FNBP1: variants seen among roughly 807,000 people sequenced by gnomAD.
The protein encoded by FNBP1 is formin binding protein 1, also known as formin-binding protein 1.
In FNBP1, 26 loss-of-function variants were observed where a neutral mutation model predicts 90.6. The ratio of observed to expected loss-of-function variants is 0.29; its 90% CI spans 0.21 to 0.40. The LOEUF (loss-of-function observed/expected upper bound fraction) is 0.40. Ranked by LOEUF, FNBP1 falls within the 10% of genes least tolerant of loss-of-function variation. The probability of loss-of-function intolerance (pLI) is 1.00; values close to 1 mark genes in which losing one functional copy is unlikely to be tolerated. For missense variants in FNBP1, 635 were observed against 768.0 expected, an observed-to-expected ratio of 0.83 and a Z score of 2.05; for synonymous variants, 260 against 265.2, an observed-to-expected ratio of 0.98 and a Z score of 0.19.
chr9:130,007,696 A>T (rs551771293), intron 1 of FNBP1, among the ~76,000 whole-genome samples: 1 of 152,268 alleles, frequency 6.6e-6, no homozygotes, highest in South Asian at 2.1e-4. Context: ...TGCCCCAAAG[A>T]TGCGGAGTGA....
At chr9:129,975,640 G>T (rs1417477085) in intron 4 of FNBP1, among the ~76,000 whole-genome samples, 1 of 152,046 alleles carries the variant, frequency 6.6e-6, no homozygotes, top group Non-Finnish European at 1.5e-5. Flanking sequence ...GGTGGCTCAC[G>T]CTTGTAATCC....
chr9:130,030,331 A>T (rs2132126618), intron 1 of FNBP1, among the ~76,000 whole-genome samples: 1 of 151,646 alleles, frequency 6.6e-6, no homozygotes, highest in South Asian at 2.1e-4. Flanking sequence ...GCTACTCAGG[A>T]GGCTGAGGCA....
chr9:129,925,588 G>GTTTTTTT (rs2041766553), intron 8 of FNBP1, among the ~76,000 whole-genome samples: 1 of 101,438 alleles, frequency 9.9e-6, no homozygotes, highest in African/African-American at 3.9e-5. Context: ...TTTCCTAGTA[G>GTTTTTTT]CTTTTTTTTT....
At chr9:129,932,867 C>T (rs1042864230) in intron 6 of FNBP1, among the ~76,000 whole-genome samples, 1 of 152,146 alleles carries the variant, frequency 6.6e-6, no homozygotes, top group Non-Finnish European at 1.5e-5. Context: ...AGCTTTCCCA[C>T]CTACATGCAT....
intron 8 of FNBP1, among the ~76,000 whole-genome samples, chr9:129,925,865 A>G (rs994498777): frequency 3.9e-5 from 6 of 151,928 alleles, no homozygotes; most frequent in Non-Finnish European, 8.8e-5. Flanking sequence ...AAGTGCTGGC[A>G]TTACAGGCTT....
intron 2 of FNBP1, among the ~76,000 whole-genome samples, chr9:129,982,739 G>A (rs1475582388): frequency 6.6e-6 from 1 of 152,108 alleles, no homozygotes; most frequent in African/African-American, 2.4e-5. Flanking sequence ...ATGGCTCACT[G>A]CAAGCCTCGA....
At chr9:130,013,678 AT>A (rs1294233845) in intron 1 of FNBP1, 6 of 455,684 alleles carry the variant, frequency 1.3e-5, no homozygotes, top group Admixed American at 9.5e-5. Context: ...GCTAAAAAAA[AT>A]ATTGGCAACA....
At chr9:130,009,705 G>A (rs764428406) in intron 1 of FNBP1, among the ~76,000 whole-genome samples, 2 of 152,188 alleles carry the variant, frequency 1.3e-5, no homozygotes. Context: ...GGGAGGCTGA[G>A]GCAGGATAAT....
rs2133128565 is a variant in FNBP1, at chr9:129,966,820, G to A, written c.346-8267C>T. On this transcript the variant is annotated intron_variant, in intron 4 of 16. Transcript: ENST00000446176. The surrounding 1 kb of genome is among the most constrained non-coding windows in gnomAD (Gnocchi z 4.3). ...TTATTTCAATGTCAAGCTGGCTGCTGCAGGGGGAGGCTGTTACACTTGCAC... is the reference window on the plus strand; with the variant it reads ...TTATTTCAATGTCAAGCTGGCTGCTACAGGGGGAGGCTGTTACACTTGCAC... Among the ~76,000 whole-genome samples the A allele has an allele frequency of 6.6e-6, 1 of 152,346 alleles. No homozygotes were observed. Among genetic ancestry groups the A allele is most frequent in the Admixed American group, 6.5e-5 (1 of 15,300 alleles).
chr9:129,955,294 C>T (rs1199454826), intron 6 of FNBP1, among the ~76,000 whole-genome samples: 1 of 151,760 alleles, frequency 6.6e-6, no homozygotes, highest in African/African-American at 2.4e-5. Context: ...AGTGCAGCAG[C>T]AGGATTGTGG....
intron 1 of FNBP1, among the ~76,000 whole-genome samples, chr9:130,033,116 A>G (rs1321401855): frequency 2.0e-5 from 3 of 152,144 alleles, no homozygotes; most frequent in African/African-American, 7.2e-5. Flanking sequence ...AACCTTCCCC[A>G]TGATTATAAT....
chr9:130,032,947 T>C (rs1284470524), intron 1 of FNBP1, among the ~76,000 whole-genome samples: 1 of 152,184 alleles, frequency 6.6e-6, no homozygotes, highest in African/African-American at 2.4e-5. Flanking sequence ...AAGCAACGAT[T>C]TCCAGGCATT....
intron 4 of FNBP1, among the ~76,000 whole-genome samples, chr9:129,958,984 T>TAAAAAAAAAAAAAAAAAAAAAAAA (rs1334219802): frequency 2.1e-3 from 1 of 468 alleles, no homozygotes; most frequent in Non-Finnish European, 4.8e-3. Context: ...AAACTCTGCC[T>TAAAAAAAAAAAAAAAAAAAAAAAA]CAAAAAAAAA....
chr9:129,942,704 A>T (rs1259630623), intron 6 of FNBP1, among the ~76,000 whole-genome samples: 1 of 152,206 alleles, frequency 6.6e-6, no homozygotes, highest in Non-Finnish European at 1.5e-5. Context: ...CTATTTATCT[A>T]TAAAGGGATA....
In FNBP1 at chr9:129,922,898, T is replaced by A. The variant is rs189035776; in HGVS notation, c.1170+946A>T. ...TTTATGTTTTTATTATTTATTATTT[T>A]TTTTTAGAGATGGGGTTTGACTATG... On this transcript the variant is annotated intron_variant, in intron 10 of 16. Coordinates refer to ENST00000446176, the MANE Select transcript of FNBP1 (RefSeq NM_015033.3). Among the ~76,000 whole-genome samples, 368 of 152,302 alleles carry A rather than the reference T, an allele frequency of 2.4e-3. 2 individuals are homozygous for A. Among genetic ancestry groups the A allele is most frequent in the South Asian group, 6.2e-3 (30 of 4,818 alleles).
At chr9:129,996,769 A>C (rs538890133) in intron 1 of FNBP1, among the ~76,000 whole-genome samples, 213 of 152,050 alleles carry the variant, frequency 1.4e-3, no homozygotes, top group Non-Finnish European at 2.7e-3. Context: ...GTGCAATCTC[A>C]GCTTGCTGCT....
upstream of FNBP1, among the ~76,000 whole-genome samples, chr9:130,047,745 G>A (rs796134637): frequency 1.3e-4 from 20 of 152,156 alleles, no homozygotes; most frequent in African/African-American, 4.6e-4. Context: ...TAAGGTATCC[G>A]GTCAAACAGA....
chr9:129,957,542 G>T lies in FNBP1; in HGVS notation c.409-78C>A. The T allele has an allele frequency of 3.6e-6, 4 of 1,116,858 alleles. No homozygotes were observed. Among genetic ancestry groups the T allele is most frequent in the Non-Finnish European group, 3.9e-6 (3 of 768,222 alleles). 69.2% of individuals were successfully genotyped at this position (1,116,858 alleles called of 1,614,324 possible). ...TAATTTTATCTAAAGCTCCCAAAGA[G>T]CATTGTTCTTTTTCTTTTTTTTTTC... On this transcript the variant is annotated intron_variant, in intron 5 of 16. Transcript: ENST00000446176. This position sits in a 1 kb window ranked among gnomAD's most constrained non-coding sequence, Gnocchi z 4.3.
the FNBP1 span, among the ~76,000 whole-genome samples, chr9:130,048,515 T>A: frequency 1.0e-5 from 1 of 98,754 alleles, no homozygotes; most frequent in East Asian, 4.1e-4. Context: ...TGAGACGGAG[T>A]CTCGCTCTGT....
Sources: allele counts gnomAD v4.1 joint callset (sites outside exome capture counted in the v4.1 genomes callset), GRCh38; gene constraint gnomAD v4.1.1; non-coding constraint Gnocchi (gnomAD v3.1); transcripts MANE v1.5; gene names NCBI Gene and HGNC (gene_info 2026-07-23, HGNC 2026-07-21).